BRAP: variants seen among roughly 807,000 people sequenced by gnomAD.
BRAP encodes the protein BRCA1 associated protein, also known as BRCA1-associated protein.
In BRAP, 42 loss-of-function variants were observed where a neutral mutation model predicts 73.4. The ratio of observed to expected loss-of-function variants is 0.57; its 90% CI spans 0.45 to 0.74. The LOEUF is 0.74. BRAP is among the 30% of genes least tolerant of loss of function. The pLI is 0.00. For synonymous variants in BRAP, 255 were observed against 267.4 expected, an observed-to-expected ratio of 0.95 and a Z score of 0.45; for missense variants, 593 against 751.4, an observed-to-expected ratio of 0.79 and a Z score of 2.46.
intron 4 of BRAP, 107 bp from the exon 5 acceptor site, chr12:111,672,881 T>G (rs1486358378): frequency 1.1e-6 from 1 of 882,874 alleles, no homozygotes; most frequent in African/African-American, 1.7e-5. Flanking sequence ...CTTTTAAAAT[T>G]TATACTTAGG....
intron 4 of BRAP, among the ~76,000 whole-genome samples, chr12:111,674,236 T>C (rs1376506398): frequency 6.6e-6 from 1 of 152,090 alleles, no homozygotes; most frequent in Non-Finnish European, 1.5e-5. Flanking sequence ...TGATTACTTA[T>C]GCTTCCCCCC....
At chr12:111,653,392 C>T (rs927421119) in intron 10 of BRAP, among the ~76,000 whole-genome samples, 1 of 152,138 alleles carries the variant, frequency 6.6e-6, no homozygotes, top group African/African-American at 2.4e-5. Context: ...TGGAAAAATA[C>T]TGATTAAAAT....
chr12:111,659,601 C>A (rs1592977578), intron 7 of BRAP, among the ~76,000 whole-genome samples: 1 of 152,168 alleles, frequency 6.6e-6, no homozygotes, highest in Admixed American at 6.5e-5. Flanking sequence ...TTGCAGTGAC[C>A]CGAAATCGTG....
intron 11 of BRAP, among the ~76,000 whole-genome samples, chr12:111,645,302 T>G (rs899851919): frequency 3.3e-5 from 5 of 151,982 alleles, no homozygotes; most frequent in African/African-American, 1.2e-4. Context: ...CTCCTGACCT[T>G]GTGATCCACC....
At chr12:111,659,858 TG>T (rs1334140559) in intron 7 of BRAP, among the ~76,000 whole-genome samples, 1 of 151,908 alleles carries the variant, frequency 6.6e-6, no homozygotes, top group African/African-American at 2.4e-5. Context: ...CTCTACAAAA[TG>T]TTTTTTTTGT....
chr12:111,656,173 G>A (rs778255762), intron 9 of BRAP, among the ~76,000 whole-genome samples: 1 of 152,244 alleles, frequency 6.6e-6, no homozygotes, highest in Non-Finnish European at 1.5e-5. Flanking sequence ...TATCTCCAGT[G>A]CCTGGCACAT....
At chr12:111,662,843 AG>A (rs1367844059) in intron 6 of BRAP, among the ~76,000 whole-genome samples, 1 of 151,514 alleles carries the variant, frequency 6.6e-6, no homozygotes, top group African/African-American at 2.4e-5. Flanking sequence ...AAAACAGGCC[AG>A]GTGCAGTAGC....
Position 111,644,433 on chromosome 12 carries a change from C to T in BRAP, c.1545G>A (p.Leu515=), listed in dbSNP as rs147643341. ...QNKLKEEERV[L]KETCDQKDLQ... ...GATCTTTTTGGTCACAGGTCTCCTTCAGCACCCTCTCCTCCTCTTTTAGCT... is the reference window on the plus strand; with the variant it reads ...GATCTTTTTGGTCACAGGTCTCCTTTAGCACCCTCTCCTCCTCTTTTAGCT... The change falls in exon 12 of 12, where the codon CTG becomes CTA. Residue 515 remains leucine, a synonymous_variant. Coordinates refer to ENST00000419234, the MANE Select transcript of BRAP (RefSeq NM_006768.5). 1.7e-5 allele frequency: 28 copies of T among 1,614,054 alleles called. No individual in the cohort carries two copies. The highest frequency in any genetic ancestry group is 2.2e-5 in the Non-Finnish European group (26 of 1,180,032).
chr12:111,649,867 T>G (rs1339038865), intron 11 of BRAP, 72 bp downstream of exon 11: 4 of 1,037,476 alleles, frequency 3.9e-6, no homozygotes, highest in Non-Finnish European at 5.7e-6. Context: ...AAAATGAGGG[T>G]GTTTCCATAG....
chr12:111,677,209 G>A (rs567704541), intron 4 of BRAP, among the ~76,000 whole-genome samples: 12 of 152,292 alleles, frequency 7.9e-5, no homozygotes, highest in African/African-American at 2.9e-4. Flanking sequence ...GGATTTATAC[G>A]ACTTCAGACT....
intron 11 of BRAP, among the ~76,000 whole-genome samples, chr12:111,646,043 C>A (rs537477361): frequency 9.9e-5 from 15 of 152,086 alleles, no homozygotes; most frequent in African/African-American, 3.6e-4. Context: ...TGTCTGTAAT[C>A]CCAGCACTAT....
At chr12:111,661,295 T>C (rs1886743545) in intron 6 of BRAP, among the ~76,000 whole-genome samples, 3 of 151,342 alleles carry the variant, frequency 2.0e-5, no homozygotes, top group African/African-American at 4.9e-5. Context: ...TTTTTTTTTT[T>C]TGAGACAGAG....
At chr12:111,662,321 C>T (rs1448108465) in intron 6 of BRAP, among the ~76,000 whole-genome samples, 5 of 152,042 alleles carry the variant, frequency 3.3e-5, no homozygotes, top group Non-Finnish European at 5.9e-5. Context: ...GAGACCTAGG[C>T]GGGCGGATTA....
chr12:111,661,793 C>A (rs1886765083), intron 6 of BRAP, among the ~76,000 whole-genome samples: 1 of 150,954 alleles, frequency 6.6e-6, no homozygotes, highest in Non-Finnish European at 1.5e-5. Context: ...CTCACTGCAG[C>A]CTCTGCCACC....
intron 11 of BRAP, among the ~76,000 whole-genome samples, chr12:111,648,352 G>A (rs899955796): frequency 1.4e-5 from 2 of 140,656 alleles, no homozygotes; most frequent in African/African-American, 2.7e-5. Context: ...GGTGGCTCAC[G>A]CCTGTAATCC....
intron 4 of BRAP, among the ~76,000 whole-genome samples, chr12:111,678,636 G>A (rs558368237): frequency 1.3e-5 from 2 of 151,018 alleles, no homozygotes; most frequent in Non-Finnish European, 2.9e-5. Context: ...CAGCCTGGGC[G>A]ACAGAGCGAG....
chr12:111,679,099 A>T, intron 4 of BRAP, 52 bp downstream of exon 4: 3 of 1,302,044 alleles, frequency 2.3e-6, no homozygotes, highest in Non-Finnish European at 3.1e-6. Flanking sequence ...TACAGTTTGA[A>T]TACCACAGTT....
intron 5 of BRAP, among the ~76,000 whole-genome samples, chr12:111,671,306 T>C (rs895015953): frequency 1.8e-4 from 27 of 152,106 alleles, no homozygotes; most frequent in Admixed American, 1.8e-3. Context: ...TCCCAGCACT[T>C]TGGGAGGCCA....
At chr12:111,681,485 T>A in intron 3 of BRAP, 152 bp downstream of exon 3, 1 of 590,518 alleles carries the variant, frequency 1.7e-6, no homozygotes, top group Middle Eastern at 4.9e-4. Context: ...ATGTAAAACA[T>A]CTGAGAATTC....
Sources: allele counts gnomAD v4.1 joint callset (sites outside exome capture counted in the v4.1 genomes callset), GRCh38; gene constraint gnomAD v4.1.1; transcripts MANE v1.5; gene names NCBI Gene and HGNC (gene_info 2026-07-23, HGNC 2026-07-21).